The following EIF4ENIF1 variants were observed in gnomAD, a reference collection of about 807,000 sequenced individuals.
The protein encoded by EIF4ENIF1 is eukaryotic translation initiation factor 4E transporter.
Under a neutral mutation model 110.5 loss-of-function variants are expected in EIF4ENIF1, and 23 were observed. The observed-to-expected ratio is 0.21, with a 90% confidence interval of 0.15 to 0.29. The LOEUF (loss-of-function observed/expected upper bound fraction) is 0.29. Among genes scored for constraint, EIF4ENIF1 ranks in the 10% least tolerant of loss-of-function variants. The pLI, the probability that EIF4ENIF1 is intolerant of heterozygous loss-of-function variation, is 1.00. For missense variants in EIF4ENIF1, 1,031 were observed against 1,221.1 expected (o/e 0.84, Z 2.32); for synonymous variants, 440 against 437.0 (o/e 1.01, Z -0.09).
intron 7 of EIF4ENIF1, among the ~76,000 whole-genome samples, chr22:31,457,614 G>A (rs2050870059): frequency 6.6e-6 from 1 of 152,158 alleles, no homozygotes; most frequent in Non-Finnish European, 1.5e-5. Flanking sequence ...TTAAGCAGGG[G>A]AAGCTTAGAT....
intron 10 of EIF4ENIF1, chr22:31,450,567 G>T: frequency 2.3e-6 from 1 of 441,374 alleles, no homozygotes; most frequent in South Asian, 2.2e-5. Flanking sequence ...ACATGTACAT[G>T]CAAAGTCCCC....
At position 31,472,640 on chromosome 22, in the gene EIF4ENIF1, A is replaced by AT. The variant is rs926790968; in HGVS notation, c.97-724dup. On this transcript the variant is annotated intron_variant, in intron 2 of 18. Transcript: ENST00000330125. ...AAAAACATCCATATACTATGTACCT[A>AT]TTAACATTTCTCCCTATTTATCATT... is the stretch of plus-strand genomic sequence containing the variant. Among the ~76,000 whole-genome samples the AT allele has an allele frequency of 3.9e-5, 6 of 152,258 alleles. No individual in the cohort carries two copies. The East Asian group carries it at 1.2e-3, about 29-fold the overall frequency.
At chr22:31,456,444 C>G (rs193027580) in intron 7 of EIF4ENIF1, among the ~76,000 whole-genome samples, 3 of 151,888 alleles carry the variant, frequency 2.0e-5, no homozygotes, top group East Asian at 3.9e-4. Flanking sequence ...AGGATGGTCT[C>G]GATCTCCTGA....
At position 31,471,008 on chromosome 22, in the gene EIF4ENIF1, G is replaced by C. The variant is rs576015433; in HGVS notation, c.170+836C>G. 6.9e-3 allele frequency among the ~76,000 whole-genome samples: 1,027 copies of C among 148,404 alleles called. 9 individuals carry two copies. Among genetic ancestry groups the C allele is most frequent in the Middle Eastern group, 0.01 (3 of 290 alleles). ...GCCTGGGCAAAAAGAGTGAAACTCT[G>C]TCTCGGACAAAAAAAAAAAAAGAAA... On this transcript the variant is annotated intron_variant, in intron 3 of 18. Coordinates refer to ENST00000330125, the MANE Select transcript of EIF4ENIF1 (RefSeq NM_019843.4).
At chr22:31,478,328 C>A (rs1447388480) in intron 2 of EIF4ENIF1, among the ~76,000 whole-genome samples, 3 of 151,412 alleles carry the variant, frequency 2.0e-5, no homozygotes. Flanking sequence ...GCCTGGCCAA[C>A]ATGGTGAAAC....
rs1296808290 is a variant in EIF4ENIF1 at position 31,478,868 on chromosome 22, C to T, written c.97-6951G>A. 2.7e-5 allele frequency among the ~76,000 whole-genome samples: 4 copies of T among 149,914 alleles called. 1 individual carries two copies. The highest frequency in any genetic ancestry group is 4.2e-4 in the South Asian group (2 of 4,730). ...TCGGGAGGCTGAGGCAGGAGAATAGCGTGAACCCGGGAGGCGGAGCTTGCA... is the reference window on the plus strand; with the variant it reads ...TCGGGAGGCTGAGGCAGGAGAATAGTGTGAACCCGGGAGGCGGAGCTTGCA... On this transcript the variant is annotated intron_variant, in intron 2 of 18. Transcript: ENST00000330125.
At chr22:31,482,649 T>G (rs2051861072) in intron 2 of EIF4ENIF1, among the ~76,000 whole-genome samples, 1 of 151,302 alleles carries the variant, frequency 6.6e-6, no homozygotes, top group Non-Finnish European at 1.5e-5. Context: ...AACACTGCAC[T>G]CCAGCCTGGG....
At chr22:31,469,864 T>TA (rs2051306388) in intron 3 of EIF4ENIF1, among the ~76,000 whole-genome samples, 2 of 152,096 alleles carry the variant, frequency 1.3e-5, no homozygotes, top group African/African-American at 2.4e-5. Flanking sequence ...AGATAATTTT[T>TA]AAAAATATAT....
At chr22:31,442,303 G>A (rs1369620659) in intron 16 of EIF4ENIF1, among the ~76,000 whole-genome samples, 185 bp from the exon 17 acceptor site, 1 of 152,108 alleles carries the variant, frequency 6.6e-6, no homozygotes, top group Non-Finnish European at 1.5e-5. Context: ...TGAATTGTTG[G>A]GCACCCTTCT....
At chr22:31,490,177 C>G (rs979975131), upstream of EIF4ENIF1, among the ~76,000 whole-genome samples, 2 of 152,344 alleles carry the variant, frequency 1.3e-5, no homozygotes, top group South Asian at 4.1e-4. Context: ...ACTTGGGACC[C>G]GCGACTCGCG....
intron 15 of EIF4ENIF1, among the ~76,000 whole-genome samples, chr22:31,443,964 T>C (rs5997989): frequency 0.42 from 64,000 of 151,754 alleles, 13,991 homozygotes; most frequent in Middle Eastern, 0.56. Context: ...GCCCGACTAA[T>C]TTTTTGTATT....
At chr22:31,492,451 T>C (rs145790446), upstream of EIF4ENIF1, among the ~76,000 whole-genome samples, 3 of 152,294 alleles carry the variant, frequency 2.0e-5, no homozygotes, top group Non-Finnish European at 4.4e-5. Flanking sequence ...GGAACTAATT[T>C]CCTGAGCCCT....
chr22:31,488,570 T>C, intron 2 of EIF4ENIF1, 53 bp downstream of exon 2: 1 of 1,610,172 alleles, frequency 6.2e-7, no homozygotes, highest in South Asian at 1.1e-5. Flanking sequence ...TATACAATGT[T>C]ACTAACTTCG....
intron 17 of EIF4ENIF1, among the ~76,000 whole-genome samples, chr22:31,441,292 CTT>C (rs1420742934): frequency 6.6e-6 from 1 of 151,928 alleles, no homozygotes; most frequent in East Asian, 1.9e-4. Flanking sequence ...AATCCTGACA[CTT>C]TGGGAGGCCG....
chr22:31,450,270 G>A lies in EIF4ENIF1; in HGVS notation c.1584+19C>T, dbSNP rs1343120606. 1 of 1,609,042 alleles carries A rather than the reference G, an allele frequency of 6.2e-7. No individual in the cohort carries two copies. Among genetic ancestry groups the A allele is most frequent in the East Asian group, 2.2e-5 (1 of 44,806 alleles). ...TACTGTTCAAGACTCCAAGGCCTCAGTATAAGATTGTGAAGTACCTGCAGG... is the reference window on the plus strand; with the variant it reads ...TACTGTTCAAGACTCCAAGGCCTCAATATAAGATTGTGAAGTACCTGCAGG... On this transcript the variant is annotated intron_variant, in intron 11 of 18. Coordinates refer to ENST00000330125, the MANE Select transcript of EIF4ENIF1 (RefSeq NM_019843.4).
chr22:31,489,897 C>T (rs1288847850), upstream of EIF4ENIF1: 2 of 152,354 alleles, frequency 1.3e-5, no homozygotes, highest in African/African-American at 2.4e-5. Context: ...ATAACTCCCT[C>T]CACGCACCCT....
chr22:31,464,636 G>A (rs868541256), intron 4 of EIF4ENIF1, among the ~76,000 whole-genome samples: 69 of 122,604 alleles, frequency 5.6e-4, no homozygotes, highest in African/African-American at 2.0e-3. Context: ...AAGTCACCCC[G>A]CTACACTGTA....
intron 2 of EIF4ENIF1, among the ~76,000 whole-genome samples, chr22:31,485,076 C>T (rs566336353): frequency 1.3e-5 from 2 of 152,304 alleles, no homozygotes; most frequent in Non-Finnish European, 2.9e-5. Context: ...TCCCCAAGTC[C>T]CGCATAGAAT....
chr22:31,464,606 G>A (rs1427970890), intron 4 of EIF4ENIF1, among the ~76,000 whole-genome samples: 1 of 141,346 alleles, frequency 7.1e-6, no homozygotes, highest in Non-Finnish European at 1.5e-5. Flanking sequence ...TGAACCTGGA[G>A]GCAGAGGTTG....
Sources: allele counts gnomAD v4.1 joint callset (sites outside exome capture counted in the v4.1 genomes callset), GRCh38; gene constraint gnomAD v4.1.1; transcripts MANE v1.5; gene names NCBI Gene and HGNC (gene_info 2026-07-23, HGNC 2026-07-21).